RGMA: variants seen among roughly 807,000 people sequenced by gnomAD.
The protein encoded by RGMA is repulsive guidance molecule A.
A neutral mutation model predicts 23.2 loss-of-function variants in RGMA; 10 were observed. The ratio of observed to expected loss-of-function variants is 0.43; its 90% CI spans 0.27 to 0.73. The LOEUF is 0.73. RGMA is among the 30% of genes least tolerant of loss of function. The probability of loss-of-function intolerance (pLI) is 0.20; values close to 1 mark genes in which losing one functional copy is unlikely to be tolerated. For missense variants in RGMA, 547 were observed against 630.5 expected (o/e 0.87, Z 1.42); for synonymous variants, 308 against 279.3 (o/e 1.10, Z -1.03).
chr15:93,042,318 C>G lies in RGMA; in HGVS notation c.*2680G>C, dbSNP rs1003470520. The G allele has an allele frequency of 6.6e-6, 1 of 152,008 alleles. No homozygotes were observed. Among genetic ancestry groups the G allele is most frequent in the South Asian group, 2.1e-4 (1 of 4,802 alleles). 9.4% of individuals were successfully genotyped at this position (152,008 alleles called of 1,614,324 possible). On this transcript the variant is annotated 3_prime_UTR_variant, in exon 4 of 4. Transcript: ENST00000329082. Reference sequence around the variant, plus strand: ...GTCTGTATCGCCCCTTTCCTTCTCCCCTTAACTGATTTATCTTGCTTTGGG... The same window carrying G: ...GTCTGTATCGCCCCTTTCCTTCTCCGCTTAACTGATTTATCTTGCTTTGGG...
intron 3 of RGMA, among the ~76,000 whole-genome samples, chr15:93,048,908 G>A (rs79126078): frequency 1.3e-3 from 8 of 5,974 alleles, no homozygotes; most frequent in Admixed American, 0.013. Flanking sequence ...TGGGGGTGGG[G>A]GGGGGCGGCG....
rs548988848 is a variant in RGMA at position 93,048,217 on chromosome 15, A to G, written c.646-2512T>C. Among the ~76,000 whole-genome samples, 276 of 152,182 alleles carry G rather than the reference A, an allele frequency of 1.8e-3. 2 individuals are homozygous for G. Among genetic ancestry groups the G allele is most frequent in the African/African-American group, 6.3e-3 (262 of 41,518 alleles). On this transcript the variant is annotated intron_variant, in intron 3 of 3. Transcript: ENST00000329082. ...CCCCATATTGGCATAAGATTTCGGG[A>G]TGATGAGGTGGGGAGAACTGGTAGC...
chr15:93,063,090 T>C (rs966974705), intron 2 of RGMA: 2 of 152,154 alleles, frequency 1.3e-5, no homozygotes, highest in African/African-American at 4.8e-5. Flanking sequence ...GCAGTGTAAC[T>C]GAAGAGGCGA....
At chr15:93,060,240 G>A (rs1360987110) in intron 2 of RGMA, among the ~76,000 whole-genome samples, 2 of 152,204 alleles carry the variant, frequency 1.3e-5, no homozygotes, top group Admixed American at 1.3e-4. Context: ...TGCAACCTGG[G>A]GTTCGACCTC....
At chr15:93,046,497 T>C (rs1197190978) in intron 3 of RGMA, among the ~76,000 whole-genome samples, 1 of 152,168 alleles carries the variant, frequency 6.6e-6, no homozygotes, top group African/African-American at 2.4e-5. Flanking sequence ...TTTGCTACAG[T>C]GGCGATAGGA....
At chr15:93,073,670 T>C (rs1279405350) in intron 1 of RGMA, 1 of 1,537,224 alleles carries the variant, frequency 6.5e-7, no homozygotes, top group Non-Finnish European at 8.7e-7. Context: ...ACTTCCGAGT[T>C]GTCTAGGTCT....
chr15:93,064,329 A>C (rs1270869454), intron 2 of RGMA, among the ~76,000 whole-genome samples: 1 of 152,236 alleles, frequency 6.6e-6, no homozygotes, highest in Non-Finnish European at 1.5e-5. Flanking sequence ...TTCCAGATGT[A>C]AACGATGCTT....
chr15:93,072,800 CGG>C, intron 2 of RGMA, 114 bp downstream of exon 2: 7 of 1,119,142 alleles, frequency 6.3e-6, no homozygotes, highest in Non-Finnish European at 8.8e-6. Context: ...AAATAGGAGG[CGG>C]GGTCCGGAGG....
chr15:93,062,995 TCTG>T (rs1343964067), intron 2 of RGMA: 1 of 152,304 alleles, frequency 6.6e-6, no homozygotes, highest in Non-Finnish European at 1.5e-5. Flanking sequence ...CCTAAGGATT[TCTG>T]CTTTTTTCCA....
At chr15:93,073,224 G>C (rs1895397917) in intron 1 of RGMA, 193 bp from the exon 2 acceptor site, 1 of 1,112,118 alleles carries the variant, frequency 9.0e-7, no homozygotes, top group Non-Finnish European at 1.1e-6. Flanking sequence ...CTCCGCCAAT[G>C]TCGACGCGGC....
rs2054685770 is a variant in RGMA at position 93,038,569 on chromosome 15, G to GTTTTTTCTTTTTTTTTTTTTTTTTT, written c.*6428_*6429insAAAAAAAAAAAAAAAAAAGAAAAAA. ...GCCTTAATGAACGAAACTGTTAGTT[G>GTTTTTTCTTTTTTTTTTTTTTTTTT]TTTTTTTTTTTTTTTTGAGACGGTG... is the stretch of plus-strand genomic sequence containing the variant. On this transcript the variant is annotated 3_prime_UTR_variant, in exon 4 of 4. Transcript: ENST00000329082. The GTTTTTTCTTTTTTTTTTTTTTTTTT allele has an allele frequency of 1.0e-5, 1 of 100,224 alleles. No individual in the cohort carries two copies. The highest frequency in any genetic ancestry group is 2.3e-5 in the Non-Finnish European group (1 of 42,826). The allele number at this position is 100,224 out of a possible 1,614,324, so 6.2% of individuals were successfully genotyped here. A position where few individuals can be genotyped will look rare whatever the true frequency, so the allele number is the denominator to read the frequency against.
At chr15:93,057,103 G>C (rs1487358438) in intron 2 of RGMA, among the ~76,000 whole-genome samples, 1 of 152,178 alleles carries the variant, frequency 6.6e-6, no homozygotes, top group Non-Finnish European at 1.5e-5. Context: ...CCTGGATCCA[G>C]GTCCCCCAAC....
chr15:93,058,377 G>A (rs2055047956), intron 2 of RGMA, among the ~76,000 whole-genome samples: 1 of 152,204 alleles, frequency 6.6e-6, no homozygotes, highest in Non-Finnish European at 1.5e-5. Context: ...CTACAGGCAT[G>A]CACGGGCACC....
At chr15:93,049,000 C>T (rs1361306360) in intron 3 of RGMA, among the ~76,000 whole-genome samples, 2 of 152,248 alleles carry the variant, frequency 1.3e-5, no homozygotes, top group African/African-American at 4.8e-5. Flanking sequence ...CAGAGACAGC[C>T]TCCTGGAAGG....
At chr15:93,088,247 T>TTA in intron 1 of RGMA, 1 of 979,792 alleles carries the variant, frequency 1.0e-6, no homozygotes, top group Non-Finnish European at 1.2e-6. Context: ...GCCCTCCCAT[T>TTA]GAATACACCT....
At chr15:93,075,693 CG>C (rs1285346949) in intron 1 of RGMA, among the ~76,000 whole-genome samples, 1 of 152,262 alleles carries the variant, frequency 6.6e-6, no homozygotes, top group African/African-American at 2.4e-5. Flanking sequence ...GAATAGAACT[CG>C]GAAGAGGCCC....
rs923616023 is a variant in RGMA, at chr15:93,036,737, C to G, written c.*8261G>C. The G allele has an allele frequency of 6.6e-6, 1 of 152,328 alleles. No individual in the cohort carries two copies. Among genetic ancestry groups the G allele is most frequent in the Non-Finnish European group, 1.5e-5 (1 of 68,128 alleles). The allele number at this position is 152,328 out of a possible 1,614,324, so 9.4% of individuals were successfully genotyped here. A position where few individuals can be genotyped will look rare whatever the true frequency, so the allele number is the denominator to read the frequency against. On this transcript the variant is annotated 3_prime_UTR_variant, in exon 4 of 4. Transcript: ENST00000329082. ...CCCCCTGGAGCGCCCCGCCCCAGCTCGTTCTCTGCCCTCAAGCGAGGAGTA... is the reference window on the plus strand; with the variant it reads ...CCCCCTGGAGCGCCCCGCCCCAGCTGGTTCTCTGCCCTCAAGCGAGGAGTA...
intron 3 of RGMA, among the ~76,000 whole-genome samples, chr15:93,046,966 G>A (rs2054833679): frequency 6.6e-6 from 1 of 152,212 alleles, no homozygotes; most frequent in African/African-American, 2.4e-5. Context: ...AGCACTGCAT[G>A]TATTACTTCC....
rs1423088427 is a variant in RGMA, at chr15:93,043,273, CAT to C, written c.*1723_*1724del. On this transcript the variant is annotated 3_prime_UTR_variant, in exon 4 of 4. Coordinates refer to ENST00000329082, the MANE Select transcript of RGMA (RefSeq NM_020211.3). ...ACAGGCACGCACACACACAGGCATG[CAT>C]ACACACATGCGCGCACACACACATG... 7.8e-6 allele frequency: 1 copy of C among 127,702 alleles called. No individual in the cohort carries two copies. The highest frequency in any genetic ancestry group is 1.9e-4 in the East Asian group (1 of 5,140). 7.9% of individuals were successfully genotyped at this position (127,702 alleles called of 1,614,324 possible).
Sources: allele counts gnomAD v4.1 joint callset (sites outside exome capture counted in the v4.1 genomes callset), GRCh38; gene constraint gnomAD v4.1.1; transcripts MANE v1.5; gene names NCBI Gene and HGNC (gene_info 2026-07-23, HGNC 2026-07-21).